AFF1: variants seen among roughly 807,000 people sequenced by gnomAD.
The protein encoded by AFF1 is AF4/FMR2 family member 1.
AFF1 carries 48 observed loss-of-function variants against 121.7 expected under a neutral mutation model. The observed-to-expected ratio is 0.39, with a 90% confidence interval of 0.31 to 0.50. The LOEUF (loss-of-function observed/expected upper bound fraction) is 0.50, where lower values mean the gene tolerates loss of function less well. Among genes scored for constraint, AFF1 ranks in the 20% least tolerant of loss-of-function variants. AFF1 has a pLI of 0.76. For missense variants in AFF1, 1,523 were observed against 1,511.7 expected, an observed-to-expected ratio of 1.01 and a Z score of -0.12; for synonymous variants, 613 against 563.0, an observed-to-expected ratio of 1.09 and a Z score of -1.26.
chr4:87,103,530 G>A (rs910862107), intron 8 of AFF1, among the ~76,000 whole-genome samples: 2 of 152,250 alleles, frequency 1.3e-5, no homozygotes, highest in South Asian at 2.1e-4. Flanking sequence ...ATCACAGTCC[G>A]TACTCTTTAG....
chr4:87,088,388 A>G (rs536888386), intron 5 of AFF1, among the ~76,000 whole-genome samples: 8 of 152,322 alleles, frequency 5.3e-5, no homozygotes, highest in East Asian at 3.9e-4. Flanking sequence ...CAGAGCTGCA[A>G]TGGGGAAGGG....
chr4:86,947,084 AAG>A (rs945571661), intron 1 of AFF1, among the ~76,000 whole-genome samples: 2 of 152,220 alleles, frequency 1.3e-5, no homozygotes, highest in African/African-American at 4.8e-5. Context: ...GATGCAGAGA[AAG>A]AGAAAAAGGA....
chr4:87,009,274 A>C (rs761815598), intron 2 of AFF1, among the ~76,000 whole-genome samples: 1 of 152,218 alleles, frequency 6.6e-6, no homozygotes, highest in Admixed American at 6.5e-5. Flanking sequence ...GCCTGAGGTC[A>C]CAAAGGTGGA....
chr4:87,000,643 C>T (rs1028345456), intron 2 of AFF1, among the ~76,000 whole-genome samples: 1 of 65,788 alleles, frequency 1.5e-5, no homozygotes, highest in African/African-American at 4.4e-5. Context: ...GTGTGTGTGG[C>T]AGAGGAAGTG....
At chr4:86,977,339 A>T (rs992493396) in intron 2 of AFF1, among the ~76,000 whole-genome samples, 1 of 152,200 alleles carries the variant, frequency 6.6e-6, no homozygotes, top group African/African-American at 2.4e-5. Context: ...GAGAAATTTC[A>T]TCACACTACT....
At chr4:87,110,811 C>CT (rs888561895) in intron 11 of AFF1, among the ~76,000 whole-genome samples, 18 of 151,950 alleles carry the variant, frequency 1.2e-4, no homozygotes, top group South Asian at 4.2e-4. Context: ...TAATTATATC[C>CT]TTTTTTTCCT....
At chr4:87,048,590 G>GTT (rs1344456264) in intron 4 of AFF1, among the ~76,000 whole-genome samples, 1 of 152,172 alleles carries the variant, frequency 6.6e-6, no homozygotes, top group East Asian at 1.9e-4. Context: ...ATCCAGATAT[G>GTT]TTTTACATAA....
intron 2 of AFF1, among the ~76,000 whole-genome samples, chr4:87,012,497 T>C (rs965373090): frequency 2.6e-5 from 4 of 152,206 alleles, no homozygotes; most frequent in Non-Finnish European, 4.4e-5. Context: ...TTTATTGATA[T>C]AGAGTGAGTA....
At chr4:86,979,927 T>C (rs1031313016) in intron 2 of AFF1, among the ~76,000 whole-genome samples, 2 of 152,194 alleles carry the variant, frequency 1.3e-5, no homozygotes, top group Non-Finnish European at 2.9e-5. Context: ...TCTAACTCTT[T>C]TGAGACAGAG....
chr4:86,998,766 G>A (rs950496269), intron 2 of AFF1, among the ~76,000 whole-genome samples: 1 of 152,166 alleles, frequency 6.6e-6, no homozygotes, highest in Non-Finnish European at 1.5e-5. Flanking sequence ...AGTGGAGGGG[G>A]TGGTAGTGGT....
chr4:87,128,209 G>A (rs1728483318), intron 16 of AFF1, among the ~76,000 whole-genome samples: 1 of 152,178 alleles, frequency 6.6e-6, no homozygotes, highest in Non-Finnish European at 1.5e-5. Flanking sequence ...CTGACCTGAA[G>A]GAAGAGTTGA....
intron 10 of AFF1, among the ~76,000 whole-genome samples, chr4:87,107,727 A>C (rs758693144): frequency 3.9e-5 from 6 of 152,256 alleles, no homozygotes; most frequent in Non-Finnish European, 7.3e-5. Context: ...TGGGCCATAT[A>C]TGTCTCTATT....
intron 7 of AFF1, among the ~76,000 whole-genome samples, chr4:87,092,658 T>G (rs1033572307): frequency 2.6e-5 from 4 of 152,090 alleles, no homozygotes; most frequent in African/African-American, 7.2e-5. Flanking sequence ...ACCTAAAATA[T>G]TTATTGTCTG....
rs1015561331 is a variant in AFF1, at chr4:87,135,772, C to T, written c.*71C>T. 26 of 1,524,868 alleles carry T rather than the reference C, an allele frequency of 1.7e-5. No individual in the cohort carries two copies. Among genetic ancestry groups the T allele is most frequent in the African/African-American group, 1.4e-4 (10 of 72,248 alleles). 94.5% of individuals were successfully genotyped at this position (1,524,868 alleles called of 1,614,324 possible). On this transcript the variant is annotated 3_prime_UTR_variant, in exon 21 of 21. Transcript: ENST00000395146. Reference sequence around the variant, plus strand: ...TTGGAAGCCTCAAAAACAGTCCAGACATTTGTTTCATCAGGACACCAAACT... The same window carrying T: ...TTGGAAGCCTCAAAAACAGTCCAGATATTTGTTTCATCAGGACACCAAACT...
At chr4:87,028,099 C>G (rs1484301591) in intron 2 of AFF1, among the ~76,000 whole-genome samples, 1 of 151,954 alleles carries the variant, frequency 6.6e-6, no homozygotes, top group Non-Finnish European at 1.5e-5. Flanking sequence ...AAATTGAAAC[C>G]CAAAACACTT....
At chr4:87,049,031 A>C (rs2149620672) in intron 4 of AFF1, among the ~76,000 whole-genome samples, 1 of 132,842 alleles carries the variant, frequency 7.5e-6, no homozygotes, top group Admixed American at 8.4e-5. Flanking sequence ...ACTCAATGAG[A>C]GTTTCTTTCT....
chr4:86,986,426 C>T (rs963961930), intron 2 of AFF1, among the ~76,000 whole-genome samples: 1 of 152,048 alleles, frequency 6.6e-6, no homozygotes, highest in African/African-American at 2.4e-5. Flanking sequence ...TATTGTGCCT[C>T]TTCTCGTGAT....
intron 1 of AFF1, among the ~76,000 whole-genome samples, chr4:86,942,215 G>A (rs778832087): frequency 2.0e-5 from 3 of 152,050 alleles, no homozygotes; most frequent in Non-Finnish European, 2.9e-5. Flanking sequence ...AGAAACTTTT[G>A]TAAGGGTCCA....
intron 4 of AFF1, among the ~76,000 whole-genome samples, chr4:87,049,095 AGGG>A (rs34105259): frequency 0.01 from 1,143 of 113,088 alleles, 13 homozygotes; most frequent in African/African-American, 0.024. Context: ...AAAAAAAAAA[AGGG>A]GGGGGGGGGA....
Sources: gnomAD v4.1 joint callset for allele counts (sites outside exome capture counted in the v4.1 genomes callset) on GRCh38, gnomAD v4.1.1 for gene constraint, MANE v1.5 for transcripts, NCBI Gene and HGNC (gene_info 2026-07-23, HGNC 2026-07-21) for gene names.